Variants in MALRD1 observed in about 807,000 individuals in gnomAD.
MALRD1 encodes MAM and LDL receptor class A domain containing 1.
In MALRD1, 247 loss-of-function variants were observed where a neutral mutation model predicts 242.1. The ratio of observed to expected loss-of-function variants is 1.02; its 90% CI spans 0.92 to 1.13. MALRD1 has a LOEUF of 1.13. Among genes scored for constraint, MALRD1 ranks in the 50% most tolerant of loss-of-function variants. MALRD1 has a pLI of 0.00. For missense variants in MALRD1, 2,989 were observed against 2,533.1 expected, an observed-to-expected ratio of 1.18 and a Z score of -3.86; for synonymous variants, 995 against 866.6, an observed-to-expected ratio of 1.15 and a Z score of -2.60.
At chr10:19,087,048 C>G (rs760646626) in intron 2 of MALRD1, among the ~76,000 whole-genome samples, 36 of 152,018 alleles carry the variant, frequency 2.4e-4, no homozygotes, top group Non-Finnish European at 4.6e-4. Flanking sequence ...GTCTTTACAC[C>G]ATACAGCTAT....
intron 19 of MALRD1, among the ~76,000 whole-genome samples, chr10:19,262,501 C>T (rs1456595168): frequency 6.6e-6 from 1 of 151,792 alleles, no homozygotes; most frequent in South Asian, 2.1e-4. Context: ...ACTAAAAATA[C>T]AAAAGTTAGC....
At chr10:19,477,950 G>T (rs1461296326) in intron 29 of MALRD1, among the ~76,000 whole-genome samples, 1 of 152,194 alleles carries the variant, frequency 6.6e-6, no homozygotes, top group African/African-American at 2.4e-5. Flanking sequence ...TGGCTCCCAA[G>T]TAACCCTTTT....
At chr10:19,496,829 T>A (rs1037214490) in intron 30 of MALRD1, among the ~76,000 whole-genome samples, 3 of 152,078 alleles carry the variant, frequency 2.0e-5, no homozygotes, top group African/African-American at 7.2e-5. Flanking sequence ...GAAGAGGATG[T>A]GAAATTGAAG....
chr10:19,317,212 T>G (rs945278086), intron 21 of MALRD1, among the ~76,000 whole-genome samples: 1 of 151,878 alleles, frequency 6.6e-6, no homozygotes, highest in South Asian at 2.1e-4. Flanking sequence ...AAGGCTATGA[T>G]CAAGGCACTG....
At chr10:19,344,518 C>T (rs1374180531) in intron 24 of MALRD1, among the ~76,000 whole-genome samples, 1 of 151,974 alleles carries the variant, frequency 6.6e-6, no homozygotes, top group Non-Finnish European at 1.5e-5. Context: ...ATCTATTCCT[C>T]CACCAGTACA....
At chr10:19,181,705 A>T (rs762031286) in intron 14 of MALRD1, among the ~76,000 whole-genome samples, 77 of 152,000 alleles carry the variant, frequency 5.1e-4, no homozygotes, top group Non-Finnish European at 8.8e-4. Context: ...GATTTGATAA[A>T]TGAGTAAGTT....
At chr10:19,436,260 A>C (rs1459754249) in intron 28 of MALRD1, among the ~76,000 whole-genome samples, 1 of 152,112 alleles carries the variant, frequency 6.6e-6, no homozygotes, top group East Asian at 1.9e-4. Context: ...GAGCTAAGAG[A>C]CCTGAGTCTA....
At chr10:19,267,490 C>G (rs1431991424) in intron 19 of MALRD1, among the ~76,000 whole-genome samples, 1 of 151,948 alleles carries the variant, frequency 6.6e-6, no homozygotes, top group African/African-American at 2.4e-5. Flanking sequence ...TTCTCGTTAG[C>G]CTCAGTGTCT....
intron 8 of MALRD1, among the ~76,000 whole-genome samples, chr10:19,130,784 A>G (rs1033082658): frequency 1.3e-5 from 2 of 152,178 alleles, no homozygotes; most frequent in Non-Finnish European, 2.9e-5. Flanking sequence ...AAAATGAGCC[A>G]TGCCATTCTT....
rs1564492809 is a variant in MALRD1 at position 19,238,510 on chromosome 10, AATG to A, written c.2992-19173_2992-19171del. 4.7e-4 allele frequency among the ~76,000 whole-genome samples: 22 copies of A among 46,636 alleles called. 1 individual carries two copies. Among genetic ancestry groups the A allele is most frequent in the African/African-American group, 2.6e-3 (22 of 8,558 alleles). 30.6% of individuals were successfully genotyped at this position (46,636 alleles called of 152,430 possible). ...ATATATAATATATAATATAATATATAATGTATATTATATATAATATACATTATA... is the reference window on the plus strand; with the variant it reads ...ATATATAATATATAATATAATATATATATATTATATATAATATACATTATA... On this transcript the variant is annotated intron_variant, in intron 18 of 39. Coordinates refer to ENST00000454679, the MANE Select transcript of MALRD1 (RefSeq NM_001142308.3).
At chr10:19,214,165 C>T (rs913662229) in intron 18 of MALRD1, among the ~76,000 whole-genome samples, 4 of 152,158 alleles carry the variant, frequency 2.6e-5, no homozygotes, top group African/African-American at 9.7e-5. Flanking sequence ...TCTCGGAAAC[C>T]TTGTCCTGAG....
intron 33 of MALRD1, among the ~76,000 whole-genome samples, chr10:19,585,818 T>C (rs888342132): frequency 5.3e-5 from 8 of 152,148 alleles, no homozygotes; most frequent in African/African-American, 1.9e-4. Context: ...TCCTGCAGAG[T>C]GTTTTCCAAC....
At chr10:19,679,890 C>T (rs187664877) in intron 36 of MALRD1, among the ~76,000 whole-genome samples, 2 of 152,028 alleles carry the variant, frequency 1.3e-5, no homozygotes, top group African/African-American at 4.8e-5. Context: ...TCATTTCTAC[C>T]TTAATTTAAT....
intron 27 of MALRD1, 109 bp from the exon 28 acceptor site, chr10:19,389,343 C>T: frequency 8.5e-7 from 1 of 1,176,362 alleles, no homozygotes; most frequent in Non-Finnish European, 1.2e-6. Context: ...ATACTTTTGG[C>T]AGCTCAGATC....
At chr10:19,353,255 C>T (rs1197701657) in intron 26 of MALRD1, among the ~76,000 whole-genome samples, 1 of 152,132 alleles carries the variant, frequency 6.6e-6, no homozygotes, top group African/African-American at 2.4e-5. Flanking sequence ...GATCCACCTG[C>T]CTTGGCCTCC....
At chr10:19,172,685 C>A (rs1258579759) in intron 13 of MALRD1, among the ~76,000 whole-genome samples, 1 of 150,366 alleles carries the variant, frequency 6.7e-6, no homozygotes, top group African/African-American at 2.4e-5. Flanking sequence ...CTCCAGTTTT[C>A]TCTGAGTAGC....
chr10:19,359,235 A>G (rs1264163310), intron 26 of MALRD1, among the ~76,000 whole-genome samples: 3 of 152,164 alleles, frequency 2.0e-5, no homozygotes, highest in Admixed American at 6.6e-5. Flanking sequence ...ATGTTTTCCC[A>G]ATAAAACACT....
intron 21 of MALRD1, among the ~76,000 whole-genome samples, chr10:19,292,080 CAAAAA>C (rs756211363): frequency 3.2e-4 from 28 of 88,010 alleles, no homozygotes; most frequent in East Asian, 3.2e-3. Context: ...AAGACCGTCT[CAAAAA>C]AAAAAAAAAA....
At chr10:19,633,404 C>G (rs1287768021) in intron 36 of MALRD1, among the ~76,000 whole-genome samples, 3 of 152,148 alleles carry the variant, frequency 2.0e-5, no homozygotes, top group East Asian at 3.9e-4. Flanking sequence ...GAACGTTTGT[C>G]AAGCACATAA....
Sources: gnomAD v4.1 joint callset for allele counts (sites outside exome capture counted in the v4.1 genomes callset) on GRCh38, gnomAD v4.1.1 for gene constraint, MANE v1.5 for transcripts, NCBI Gene and HGNC (gene_info 2026-07-23, HGNC 2026-07-21) for gene names.